AKAP12: variants seen among roughly 807,000 people sequenced by gnomAD.
AKAP12 encodes the protein A-kinase anchor protein 12.
A neutral mutation model predicts 79.9 loss-of-function variants in AKAP12; 32 were observed. The observed-to-expected ratio is 0.40, with a 90% CI of 0.30 to 0.54. The LOEUF (loss-of-function observed/expected upper bound fraction) is 0.54. AKAP12 is among the 20% of genes least tolerant of loss of function. AKAP12 has a pLI of 0.48. For synonymous variants in AKAP12, 808 were observed against 857.0 expected (o/e 0.94, Z 1.00); for missense variants, 2,074 against 2,177.0 (o/e 0.95, Z 0.94).
At chr6:151,290,390 A>C (rs116436814) in intron 2 of AKAP12, among the ~76,000 whole-genome samples, 15 of 152,064 alleles carry the variant, frequency 9.9e-5, no homozygotes, top group Admixed American at 3.9e-4. Flanking sequence ...ACTCACCGTT[A>C]TCTCATTCTC....
intron 2 of AKAP12, among the ~76,000 whole-genome samples, chr6:151,296,708 T>C (rs1776734104): frequency 6.6e-6 from 1 of 151,834 alleles, no homozygotes; most frequent in Non-Finnish European, 1.5e-5. Flanking sequence ...CCCCGGGAGG[T>C]GGAGGTTGCA....
In AKAP12 at chr6:151,332,033, G is replaced by GTTGTTTTTGTTTTTTTTTTTT. The variant is rs1303327962; in HGVS notation, c.320-16676_320-16675insGTTTTTGTTTTTTTTTTTTTT. Among the ~76,000 whole-genome samples, 13 of 79,680 alleles carry GTTGTTTTTGTTTTTTTTTTTT rather than the reference G, an allele frequency of 1.6e-4. 3 individuals are homozygous for GTTGTTTTTGTTTTTTTTTTTT. The highest frequency in any genetic ancestry group is 3.8e-4 in the Admixed American group (3 of 7,858). 52.3% of individuals were successfully genotyped at this position (79,680 alleles called of 152,430 possible). A position where few individuals can be genotyped will look rare whatever the true frequency, so the allele number is the denominator to read the frequency against. On this transcript the variant is annotated intron_variant, in intron 3 of 4. Transcript: ENST00000402676. ...GAGTAGCACGTCCAGTTCTGGGTCTGTTTTTTTTTTTTTTTTTTTTTGAGA... is the reference window on the plus strand; with the variant it reads ...GAGTAGCACGTCCAGTTCTGGGTCTGTTGTTTTTGTTTTTTTTTTTTTTTTTTTTTTTTTTTTTTTTTGAGA...
intron 3 of AKAP12, among the ~76,000 whole-genome samples, chr6:151,346,488 C>T (rs1037685474): frequency 2.6e-5 from 4 of 152,144 alleles, no homozygotes; most frequent in South Asian, 2.1e-4. Context: ...GAATGCCCTT[C>T]GCTGTGGATT....
At chr6:151,264,158 G>A (rs889827599) in intron 2 of AKAP12, among the ~76,000 whole-genome samples, 4 of 152,088 alleles carry the variant, frequency 2.6e-5, no homozygotes, top group Non-Finnish European at 5.9e-5. Flanking sequence ...CGCTTGGCTG[G>A]GGCTCAATAT....
At chr6:151,323,299 C>T (rs1217466709) in intron 3 of AKAP12, among the ~76,000 whole-genome samples, 1 of 152,136 alleles carries the variant, frequency 6.6e-6, no homozygotes, top group Non-Finnish European at 1.5e-5. Flanking sequence ...GCCTGTAGTC[C>T]CAGCGCTTTG....
intron 3 of AKAP12, chr6:151,341,823 C>T (rs1412300537): frequency 1.6e-6 from 2 of 1,283,108 alleles, no homozygotes; most frequent in South Asian, 2.5e-5. Context: ...CCTTCCCGTC[C>T]CAGGCTTGGG....
intron 3 of AKAP12, among the ~76,000 whole-genome samples, chr6:151,309,873 C>A (rs1378722184): frequency 6.6e-6 from 1 of 152,026 alleles, no homozygotes; most frequent in Non-Finnish European, 1.5e-5. Flanking sequence ...GCTTCCTCTC[C>A]CTAACTAAAA....
At position 151,305,886 on chromosome 6, in the gene AKAP12, A is replaced by T. The variant is rs778349606; in HGVS notation, c.302A>T (p.Glu101Val). 12 of 1,611,750 alleles carry T rather than the reference A, an allele frequency of 7.4e-6. 1 individual carries two copies. Among genetic ancestry groups the T allele is most frequent in the Admixed American group, 5.0e-5 (3 of 59,580 alleles). Reference sequence around the variant, plus strand: ...GCCCTAAACAGCCAGGAGGAAGAAGAAGTCATTGTCACAGAGGGTAAGCCG... The same window carrying T: ...GCCCTAAACAGCCAGGAGGAAGAAGTAGTCATTGTCACAGAGGGTAAGCCG... ...QGALNSQEEE[E>V]VIVTEVGQRD... Residue 101 changes from glutamate (E) to valine (V), a missense_variant, in exon 3 of 5, where the codon GAA (glutamate) becomes GTA (valine). Physicochemically the swap from Glu to Val is moderately radical, Grantham distance 121. Transcript: ENST00000402676.
intron 2 of AKAP12, among the ~76,000 whole-genome samples, chr6:151,294,932 T>TTAGAAAAG (rs1346762148): frequency 3.9e-5 from 6 of 152,214 alleles, no homozygotes; most frequent in Admixed American, 3.9e-4. Flanking sequence ...GAAAATGCAG[T>TTAGAAAAG]GATTTCCTCC....
At chr6:151,287,679 A>G (rs542411867) in intron 2 of AKAP12, among the ~76,000 whole-genome samples, 116 of 152,346 alleles carry the variant, frequency 7.6e-4, no homozygotes, top group African/African-American at 2.7e-3. Context: ...ATCTAGAACC[A>G]GAAATACCAT....
chr6:151,294,992 T>A (rs754394086), intron 2 of AKAP12, among the ~76,000 whole-genome samples: 23 of 152,340 alleles, frequency 1.5e-4, no homozygotes, highest in Non-Finnish European at 2.6e-4. Context: ...TAAGTAAATC[T>A]GCTTAACTCT....
At chr6:151,266,435 T>C (rs1185825104) in intron 2 of AKAP12, among the ~76,000 whole-genome samples, 1 of 152,132 alleles carries the variant, frequency 6.6e-6, no homozygotes, top group East Asian at 1.9e-4. Flanking sequence ...GACTTGAAGA[T>C]GGCGTAAGGA....
chr6:151,307,811 C>T (rs576361912), intron 3 of AKAP12, among the ~76,000 whole-genome samples: 3 of 152,220 alleles, frequency 2.0e-5, no homozygotes, highest in Non-Finnish European at 2.9e-5. Context: ...ACCATGGCCT[C>T]GGAGGTCTGA....
intron 3 of AKAP12, among the ~76,000 whole-genome samples, chr6:151,320,260 C>T (rs550704171): frequency 6.6e-6 from 1 of 152,040 alleles, no homozygotes; most frequent in African/African-American, 2.4e-5. Context: ...CTCTCCCGTT[C>T]TCTTCCTGTG....
intron 3 of AKAP12, among the ~76,000 whole-genome samples, chr6:151,336,507 G>C (rs1461421457): frequency 6.6e-6 from 1 of 152,152 alleles, no homozygotes; most frequent in African/African-American, 2.4e-5. Context: ...CACTTTGGGA[G>C]GCTGAGGCAG....
chr6:151,335,677 C>G (rs1317420454), intron 3 of AKAP12, among the ~76,000 whole-genome samples: 1 of 152,042 alleles, frequency 6.6e-6, no homozygotes, highest in Non-Finnish European at 1.5e-5. Flanking sequence ...GACTGTGTTG[C>G]CCAAAGCTGG....
intron 3 of AKAP12, among the ~76,000 whole-genome samples, chr6:151,314,950 GCTGAGGCAGGAGA>G: frequency 6.6e-6 from 1 of 151,958 alleles, no homozygotes; most frequent in East Asian, 1.9e-4. Flanking sequence ...TATTCGGGAG[GCTGAGGCAGGAGA>G]ATCGCTTGAA....
intron 3 of AKAP12, among the ~76,000 whole-genome samples, chr6:151,313,114 T>C (rs1488182831): frequency 1.3e-5 from 2 of 152,178 alleles, no homozygotes; most frequent in South Asian, 2.1e-4. Flanking sequence ...CTTTCCTTTG[T>C]TGCATCAGCA....
At chr6:151,323,065 C>G (rs572432805) in intron 3 of AKAP12, among the ~76,000 whole-genome samples, 8 of 152,280 alleles carry the variant, frequency 5.3e-5, no homozygotes, top group African/African-American at 1.9e-4. Flanking sequence ...ATCTTTACTC[C>G]TGCTTTTATC....
Sources: allele counts gnomAD v4.1 joint callset (sites outside exome capture counted in the v4.1 genomes callset), GRCh38; gene constraint gnomAD v4.1.1; transcripts MANE v1.5; gene names NCBI Gene and HGNC (gene_info 2026-07-23, HGNC 2026-07-21).